Variants in COL23A1 observed in about 807,000 individuals in gnomAD.
COL23A1 encodes collagen type XXIII alpha 1 chain.
COL23A1 carries 97 observed loss-of-function variants against 99.3 expected under a neutral mutation model. That is an observed-to-expected ratio of 0.98 (90% confidence interval 0.83 to 1.16). The LOEUF (loss-of-function observed/expected upper bound fraction) is 1.16. Ranked by LOEUF, COL23A1 falls within the 50% of genes most tolerant of loss-of-function variation. The pLI, the probability that COL23A1 is intolerant of heterozygous loss-of-function variation, is 0.00. For missense variants in COL23A1, 762 were observed against 757.4 expected, an observed-to-expected ratio of 1.01 and a Z score of -0.07; for synonymous variants, 320 against 308.2, an observed-to-expected ratio of 1.04 and a Z score of -0.40.
At chr5:178,319,262 G>T (rs955592719) in intron 2 of COL23A1, among the ~76,000 whole-genome samples, 1 of 152,150 alleles carries the variant, frequency 6.6e-6, no homozygotes, top group Non-Finnish European at 1.5e-5. Flanking sequence ...CCAGAGAGGC[G>T]CATGTAAACC....
At chr5:178,563,950 T>A (rs1328814721) in intron 1 of COL23A1, among the ~76,000 whole-genome samples, 2 of 152,250 alleles carry the variant, frequency 1.3e-5, no homozygotes, top group Non-Finnish European at 2.9e-5. Flanking sequence ...AACTCTCATC[T>A]GTTTTTATCA....
chr5:178,562,807 GTGCTGATTGGTCCACTTTACAGAA>G (rs1230032946), intron 1 of COL23A1: 5 of 149,512 alleles, frequency 3.3e-5, no homozygotes, highest in Admixed American at 1.4e-4. Flanking sequence ...ACTTTACAGA[GTGCTGATTGGTCCACTTTACAGAA>G]TGCTGATTGG....
At chr5:178,500,192 A>G (rs1338173271) in intron 2 of COL23A1, among the ~76,000 whole-genome samples, 1 of 152,162 alleles carries the variant, frequency 6.6e-6, no homozygotes, top group African/African-American at 2.4e-5. Context: ...TCTTTACTGT[A>G]GTGATGGTTT....
chr5:178,288,575 G>A (rs751054563), intron 4 of COL23A1: 30 of 621,614 alleles, frequency 4.8e-5, no homozygotes, highest in African/African-American at 3.1e-4. Flanking sequence ...GGGCTTCATC[G>A]GGGCTCCGGG....
chr5:178,258,262 T>TATATATATATATATATACATAC, intron 12 of COL23A1, among the ~76,000 whole-genome samples: 1 of 104,066 alleles, frequency 9.6e-6, no homozygotes, highest in East Asian at 2.5e-4. Flanking sequence ...TATATATATA[T>TATATATATATATATATACATAC]ACACATGCAA....
chr5:178,562,713 A>T (rs1181984458), intron 1 of COL23A1: 1 of 133,632 alleles, frequency 7.5e-6, no homozygotes, highest in African/African-American at 3.4e-5. Flanking sequence ...GGACCCACGC[A>T]GGTTGCTGCC....
chr5:178,344,736 G>C, intron 2 of COL23A1: 1 of 379,598 alleles, frequency 2.6e-6, no homozygotes, highest in South Asian at 2.5e-5. Flanking sequence ...CAGAGACACA[G>C]AACCTACTGA....
chr5:178,375,618 C>A (rs1280802161), intron 2 of COL23A1, among the ~76,000 whole-genome samples: 1 of 152,262 alleles, frequency 6.6e-6, no homozygotes, highest in African/African-American at 2.4e-5. Context: ...TGACCTCAGT[C>A]TCACCAGGCA....
At chr5:178,536,056 G>A (rs992089333) in intron 2 of COL23A1, among the ~76,000 whole-genome samples, 2 of 152,268 alleles carry the variant, frequency 1.3e-5, no homozygotes, top group African/African-American at 4.8e-5. Flanking sequence ...ACTGTCCCCA[G>A]GGATCTGGTC....
chr5:178,461,761 C>T (rs1057309726), intron 2 of COL23A1, among the ~76,000 whole-genome samples: 2 of 152,206 alleles, frequency 1.3e-5, no homozygotes, highest in African/African-American at 4.8e-5. Context: ...AAGCACACAA[C>T]ATGTTCTCCG....
intron 3 of COL23A1, 134 bp from the exon 4 acceptor site, chr5:178,290,503 T>G: frequency 8.4e-7 from 1 of 1,189,208 alleles, no homozygotes. Flanking sequence ...GATGCTGCCA[T>G]GGCTGTTTCC....
intron 2 of COL23A1, among the ~76,000 whole-genome samples, chr5:178,317,353 T>G (rs1759035608): frequency 6.6e-6 from 1 of 152,232 alleles, no homozygotes; most frequent in African/African-American, 2.4e-5. Flanking sequence ...TTACTGTTGG[T>G]TGTTAACCAG....
chr5:178,258,122 C>T (rs947375314), intron 12 of COL23A1, among the ~76,000 whole-genome samples: 1 of 151,652 alleles, frequency 6.6e-6, no homozygotes, highest in African/African-American at 2.4e-5. Flanking sequence ...GTGGCACATG[C>T]CTGTAGTCCC....
intron 1 of COL23A1, among the ~76,000 whole-genome samples, chr5:178,580,855 A>C (rs1202139908): frequency 1.3e-5 from 2 of 152,156 alleles, no homozygotes; most frequent in Non-Finnish European, 2.9e-5. Flanking sequence ...CAATAACTTT[A>C]CAAATTAGCC....
Position 178,379,017 on chromosome 5 carries a change from A to G in COL23A1, c.362-72098T>C, listed in dbSNP as rs191234838. On this transcript the variant is annotated intron_variant, in intron 2 of 28. Coordinates refer to ENST00000390654, the MANE Select transcript of COL23A1 (RefSeq NM_173465.4). ...GCTGTTTCTAGACTTTATTTATCTC[A>G]CTTGCGGGTGTGTTTATACATTTCA... Among the ~76,000 whole-genome samples the G allele has an allele frequency of 6.6e-4, 100 of 152,234 alleles. No homozygotes were observed. In the South Asian group the frequency reaches 8.1e-3, roughly 12 times the overall value.
intron 2 of COL23A1, among the ~76,000 whole-genome samples, chr5:178,372,497 C>T (rs144429972): frequency 0.013 from 1,977 of 152,302 alleles, 20 homozygotes; most frequent in South Asian, 0.042. Flanking sequence ...TCCACAGGAA[C>T]GAAATCCTGG....
chr5:178,328,305 G>A (rs1298926932), intron 2 of COL23A1, among the ~76,000 whole-genome samples: 1 of 152,138 alleles, frequency 6.6e-6, no homozygotes, highest in Non-Finnish European at 1.5e-5. Context: ...CCTTCCCCCA[G>A]GCTCTGCTCT....
At chr5:178,249,716 ACTCTCTCTCTCTCT>A (rs59946818) in intron 18 of COL23A1, among the ~76,000 whole-genome samples, 11 of 92,752 alleles carry the variant, frequency 1.2e-4, no homozygotes, top group Admixed American at 3.3e-4. Flanking sequence ...ACACACACAC[ACTCTCTCTCTCTCT>A]CTCTCTCTCT....
rs1764201080 is a variant in COL23A1, at chr5:178,590,185, C to T, written c.13G>A (p.Glu5Lys). 4 of 1,216,262 alleles carry T rather than the reference C, an allele frequency of 3.3e-6. No homozygotes were observed. The Admixed American group carries it at 1.3e-4, about 40-fold the overall frequency. The allele number at this position is 1,216,262 out of a possible 1,614,324, so 75.3% of individuals were successfully genotyped here. Residue 5 changes from glutamate (E) to lysine (K), a missense_variant, in exon 1 of 29, where the codon GAG (glutamate) becomes AAG (lysine). Physicochemically the swap from Glu to Lys is moderately conservative, Grantham distance 56. Coordinates refer to ENST00000390654, the MANE Select transcript of COL23A1 (RefSeq NM_173465.4). The surrounding 1 kb of genome is among the most constrained non-coding windows in gnomAD (Gnocchi z 5.7). ...GCGTCGCCGCCGCCACCGGCGCGCT[C>T]GCCTGGGCCCATGGCGCGTTCGTCG... MGPG[E>K]RAGGGGDAGK...
Sources: allele counts gnomAD v4.1 joint callset (sites outside exome capture counted in the v4.1 genomes callset), GRCh38; gene constraint gnomAD v4.1.1; non-coding constraint Gnocchi (gnomAD v3.1); transcripts MANE v1.5; gene names NCBI Gene and HGNC (gene_info 2026-07-23, HGNC 2026-07-21).